The following STPG2 variants were observed in gnomAD, a reference collection of about 807,000 sequenced individuals.
The protein encoded by STPG2 is sperm-tail PG-rich repeat-containing protein 2.
Under a neutral mutation model 54.2 loss-of-function variants are expected in STPG2, and 56 were observed. The ratio of observed to expected loss-of-function variants is 1.03; its 90% confidence interval spans 0.83 to 1.29. The LOEUF is 1.29. Among genes scored for constraint, STPG2 ranks in the 50% most tolerant of loss-of-function variants. The probability of loss-of-function intolerance (pLI) is 0.00; values close to 1 mark genes in which losing one functional copy is unlikely to be tolerated. For synonymous variants in STPG2, 200 were observed against 181.8 expected (o/e 1.10, Z -0.81); for missense variants, 596 against 544.9 (o/e 1.09, Z -0.93).
At chr4:97,685,318 T>C (rs1723155993) in intron 10 of STPG2, among the ~76,000 whole-genome samples, 1 of 152,142 alleles carries the variant, frequency 6.6e-6, no homozygotes, top group African/African-American at 2.4e-5. Flanking sequence ...AACCAAGATG[T>C]CCTTCAACAG....
intron 3 of STPG2, among the ~76,000 whole-genome samples, chr4:98,118,888 A>T (rs1246318030): frequency 1.3e-5 from 2 of 152,308 alleles, no homozygotes; most frequent in Non-Finnish European, 2.9e-5. Context: ...TAAAGAAATA[A>T]ATTATAGCAC....
intron 7 of STPG2, among the ~76,000 whole-genome samples, chr4:97,966,879 T>C (rs1294942304): frequency 6.6e-6 from 1 of 151,986 alleles, no homozygotes; most frequent in African/African-American, 2.4e-5. Flanking sequence ...TGGAAACAAA[T>C]AACCAGTACC....
At position 97,588,889 on chromosome 4, in the gene STPG2, C is replaced by G. The variant is rs144325813; in HGVS notation, c.1321-29772G>C. On this transcript the variant is annotated intron_variant, in intron 10 of 10. Transcript: ENST00000295268. ...CTTAGCATTTTCTATGCTACCTACT[C>G]TTCTTAGCATTTAATTTGTATAGTT... 4.1e-3 allele frequency among the ~76,000 whole-genome samples: 628 copies of G among 152,204 alleles called. 3 individuals carry two copies. Among genetic ancestry groups the G allele is most frequent in the South Asian group, 0.02 (98 of 4,830 alleles).
At chr4:97,527,145 C>T (rs1023090724) in intron 4 of STPG2, among the ~76,000 whole-genome samples, 2 of 151,986 alleles carry the variant, frequency 1.3e-5, no homozygotes, top group African/African-American at 4.8e-5. Context: ...GCTATCCCTC[C>T]CCTAGCCCCC....
At chr4:97,555,866 C>G (rs1325436061), downstream of STPG2, among the ~76,000 whole-genome samples, 1 of 152,068 alleles carries the variant, frequency 6.6e-6, no homozygotes, top group Admixed American at 6.5e-5. Context: ...AGCTCTTGCT[C>G]TGAGTAAGTC....
At chr4:97,778,553 C>G (rs1726470346) in intron 9 of STPG2, among the ~76,000 whole-genome samples, 1 of 152,194 alleles carries the variant, frequency 6.6e-6, no homozygotes, top group Non-Finnish European at 1.5e-5. Flanking sequence ...GCAGACTTAA[C>G]TGTCCCTGTC....
At chr4:97,751,639 G>A (rs1167775924) in intron 9 of STPG2, among the ~76,000 whole-genome samples, 2 of 151,810 alleles carry the variant, frequency 1.3e-5, no homozygotes, top group Admixed American at 6.6e-5. Context: ...AATAGACAGT[G>A]TGAAGAGTAT....
chr4:98,076,026 C>T (rs892351999), intron 5 of STPG2, among the ~76,000 whole-genome samples: 1 of 152,094 alleles, frequency 6.6e-6, no homozygotes, highest in Non-Finnish European at 1.5e-5. Context: ...GGGCAGATCA[C>T]GAGGTCAGGA....
At chr4:97,731,477 A>G (rs1724793815) in intron 9 of STPG2, among the ~76,000 whole-genome samples, 1 of 152,078 alleles carries the variant, frequency 6.6e-6, no homozygotes, top group South Asian at 2.1e-4. Flanking sequence ...GAGGGTTGGG[A>G]AGCCTAGAGA....
Position 98,077,426 on chromosome 4 carries a change from C to T in STPG2, c.612+28527G>A, listed in dbSNP as rs754127137. ...CCCGCCTAATTTTTTGTATTTAACA[C>T]GGGGTTTCACCGTGTTAGCCAGGAT... is the stretch of plus-strand genomic sequence containing the variant. On this transcript the variant is annotated intron_variant, in intron 5 of 10. Transcript: ENST00000295268. Among the ~76,000 whole-genome samples the T allele has an allele frequency of 3.3e-5, 5 of 151,908 alleles. 1 individual carries two copies. The highest frequency in any genetic ancestry group is 5.9e-5 in the Non-Finnish European group (4 of 67,938).
At chr4:97,818,449 G>GTC (rs369459363) in intron 9 of STPG2, among the ~76,000 whole-genome samples, 4,918 of 150,476 alleles carry the variant, frequency 0.033, 100 homozygotes, top group Non-Finnish European at 0.049. Flanking sequence ...TGTGAATATG[G>GTC]TCTCTCTCTC....
chr4:98,084,119 C>A (rs1223347108), intron 5 of STPG2, among the ~76,000 whole-genome samples: 1 of 152,078 alleles, frequency 6.6e-6, no homozygotes, highest in Non-Finnish European at 1.5e-5. Flanking sequence ...TGCTGAATTC[C>A]AGGCATGAAC....
chr4:98,041,593 A>T (rs1480775802), intron 5 of STPG2, among the ~76,000 whole-genome samples: 1 of 151,732 alleles, frequency 6.6e-6, no homozygotes, highest in African/African-American at 2.4e-5. Context: ...AGATGATCAT[A>T]TAGTTTTTTG....
At chr4:97,634,864 T>C (rs1234940161) in intron 10 of STPG2, among the ~76,000 whole-genome samples, 3 of 151,056 alleles carry the variant, frequency 2.0e-5, no homozygotes, top group African/African-American at 4.8e-5. Flanking sequence ...CTACGTCTGA[T>C]TGGTGTACCT....
intron 10 of STPG2, among the ~76,000 whole-genome samples, chr4:97,704,705 T>G (rs989376544): frequency 6.6e-6 from 1 of 152,166 alleles, no homozygotes; most frequent in Non-Finnish European, 1.5e-5. Context: ...TTAAATCACA[T>G]TTTCAAATAA....
At chr4:97,442,945 A>G (rs1729127076) in intron 4 of STPG2, among the ~76,000 whole-genome samples, 1 of 152,146 alleles carries the variant, frequency 6.6e-6, no homozygotes, top group South Asian at 2.1e-4. Context: ...TATTCATTGA[A>G]GGTATAGGAT....
chr4:97,779,670 G>T (rs2149070121), intron 9 of STPG2, among the ~76,000 whole-genome samples: 1 of 152,212 alleles, frequency 6.6e-6, no homozygotes, highest in East Asian at 1.9e-4. Context: ...AATATTAAGG[G>T]CAGCCAGAGA....
intron 8 of STPG2, among the ~76,000 whole-genome samples, chr4:97,932,764 C>A (rs538408140): frequency 6.6e-6 from 1 of 152,284 alleles, no homozygotes; most frequent in South Asian, 2.1e-4. Context: ...TCCAGTCCAT[C>A]ATTGATGGTT....
At chr4:97,738,275 C>G (rs1469407193) in intron 9 of STPG2, among the ~76,000 whole-genome samples, 1 of 152,108 alleles carries the variant, frequency 6.6e-6, no homozygotes, top group Non-Finnish European at 1.5e-5. Flanking sequence ...TTGTAAAGAC[C>G]ATCGAGGCTA....
Sources: allele counts gnomAD v4.1 joint callset (sites outside exome capture counted in the v4.1 genomes callset), GRCh38; gene constraint gnomAD v4.1.1; transcripts MANE v1.5; gene names NCBI Gene and HGNC (gene_info 2026-07-23, HGNC 2026-07-21).